Variants in MDGA2 observed in about 807,000 individuals in gnomAD.
MDGA2 encodes the protein MAM domain-containing glycosylphosphatidylinositol anchor protein 2.
Under a neutral mutation model 117.8 loss-of-function variants are expected in MDGA2, and 40 were observed. The ratio of observed to expected loss-of-function variants is 0.34; its 90% CI spans 0.26 to 0.44. MDGA2 has a LOEUF of 0.44. Ranked by LOEUF, MDGA2 falls within the 20% of genes least tolerant of loss-of-function variation. MDGA2 has a pLI of 1.00. For missense variants in MDGA2, 1,123 were observed against 1,250.6 expected, an observed-to-expected ratio of 0.90 and a Z score of 1.54; for synonymous variants, 452 against 439.0, an observed-to-expected ratio of 1.03 and a Z score of -0.37.
intron 1 of MDGA2, among the ~76,000 whole-genome samples, chr14:47,480,577 T>A (rs1893932170): frequency 6.6e-6 from 1 of 152,016 alleles, no homozygotes; most frequent in Non-Finnish European, 1.5e-5. Flanking sequence ...TACTAGACAT[T>A]AATATTATTT....
chr14:46,997,196 A>T (rs1401770368), intron 8 of MDGA2: 1 of 161,074 alleles, frequency 6.2e-6, no homozygotes, highest in African/African-American at 2.4e-5. Flanking sequence ...ACTAGATTTA[A>T]TTGGGTATTG....
chr14:47,161,498 TA>T (rs1371616804), intron 3 of MDGA2, among the ~76,000 whole-genome samples: 1 of 151,766 alleles, frequency 6.6e-6, no homozygotes, highest in African/African-American at 2.4e-5. Flanking sequence ...TATTAGAATG[TA>T]AGGTTATATA....
At chr14:47,565,691 G>A (rs902730855) in intron 1 of MDGA2, among the ~76,000 whole-genome samples, 1 of 152,186 alleles carries the variant, frequency 6.6e-6, no homozygotes, top group Non-Finnish European at 1.5e-5. Context: ...TGGGTCCTGG[G>A]CACCAGTCTC....
In MDGA2 at chr14:47,545,571, AG is replaced by A. The variant is rs574816862; in HGVS notation, c.280+128945del. ...TACCAAAAGCAAAGGAAAACTATGC[AG>A]GGTTCTACTTATAATGTTTTATTTA... On this transcript the variant is annotated intron_variant, in intron 1 of 16. Transcript: ENST00000399232. Among the ~76,000 whole-genome samples the A allele has an allele frequency of 5.9e-5, 9 of 152,326 alleles. No homozygotes were observed. In the South Asian group the frequency reaches 1.9e-3, roughly 32 times the overall value.
chr14:47,238,492 A>G (rs1886939510), intron 2 of MDGA2, among the ~76,000 whole-genome samples: 2 of 151,636 alleles, frequency 1.3e-5, no homozygotes, highest in South Asian at 4.2e-4. Context: ...TCTAAGGGAA[A>G]TCTGTACTCT....
At chr14:47,566,274 C>T (rs1895917359) in intron 1 of MDGA2, among the ~76,000 whole-genome samples, 1 of 152,148 alleles carries the variant, frequency 6.6e-6, no homozygotes, top group Non-Finnish European at 1.5e-5. Flanking sequence ...GATGTATGCC[C>T]TTGAAAGGCA....
At chr14:47,041,336 T>C (rs1262794640) in intron 7 of MDGA2, among the ~76,000 whole-genome samples, 1 of 152,100 alleles carries the variant, frequency 6.6e-6, no homozygotes, top group Non-Finnish European at 1.5e-5. Context: ...TTTTAGGTCT[T>C]AAATCAAATT....
At chr14:46,948,085 A>G (rs1334170996) in intron 9 of MDGA2, among the ~76,000 whole-genome samples, 1 of 151,982 alleles carries the variant, frequency 6.6e-6, no homozygotes, top group Non-Finnish European at 1.5e-5. Context: ...CAACTGTTAC[A>G]TTTTTATACC....
chr14:47,298,861 C>T (rs56929603), intron 2 of MDGA2, among the ~76,000 whole-genome samples: 32,162 of 151,248 alleles, frequency 0.21, 4,263 homozygotes, highest in East Asian at 0.45. Flanking sequence ...ATTTTTTTTG[C>T]ATTTTTAGTA....
At chr14:47,655,271 A>T (rs1474147483) in intron 1 of MDGA2, among the ~76,000 whole-genome samples, 1 of 152,116 alleles carries the variant, frequency 6.6e-6, no homozygotes, top group East Asian at 1.9e-4. Context: ...TAGCAAAAAC[A>T]CTGTTATCCA....
intron 5 of MDGA2, among the ~76,000 whole-genome samples, chr14:47,102,923 C>T (rs1249228588): frequency 6.6e-6 from 1 of 152,176 alleles, no homozygotes; most frequent in African/African-American, 2.4e-5. Flanking sequence ...TCTGCTATGA[C>T]TTTGTTTCCA....
At chr14:47,295,557 G>A (rs1225844508) in intron 2 of MDGA2, among the ~76,000 whole-genome samples, 1 of 152,062 alleles carries the variant, frequency 6.6e-6, no homozygotes, top group Non-Finnish European at 1.5e-5. Flanking sequence ...GAGGTCAACT[G>A]AGGAAATATT....
chr14:47,263,220 A>G (rs1258977844), intron 2 of MDGA2, among the ~76,000 whole-genome samples: 2 of 152,026 alleles, frequency 1.3e-5, no homozygotes, highest in Non-Finnish European at 2.9e-5. Flanking sequence ...TTTCTCCTTT[A>G]TGTTTTCATG....
chr14:47,429,274 G>A (rs1892751537), intron 1 of MDGA2, among the ~76,000 whole-genome samples: 1 of 134,046 alleles, frequency 7.5e-6, no homozygotes, highest in Admixed American at 7.4e-5. Context: ...TAACAAATAT[G>A]AAGATATATA....
intron 1 of MDGA2, among the ~76,000 whole-genome samples, chr14:47,635,647 C>G (rs922947744): frequency 6.6e-6 from 1 of 152,076 alleles, no homozygotes; most frequent in Admixed American, 6.5e-5. Context: ...TTTCTGGGTA[C>G]AAAGGACTGT....
rs945827175 is a variant in MDGA2 at position 47,175,549 on chromosome 14, C to A, written c.596-31275G>T. Among the ~76,000 whole-genome samples the A allele has an allele frequency of 9.9e-5, 15 of 151,722 alleles. No homozygotes were observed. The East Asian group carries it at 2.1e-3, about 22-fold the overall frequency. Reference sequence around the variant, plus strand: ...TATAAACAGAACCAAAGACAAAAACCACATGATTATCTCAATAGATGCAGA... The same window carrying A: ...TATAAACAGAACCAAAGACAAAAACAACATGATTATCTCAATAGATGCAGA... On this transcript the variant is annotated intron_variant, in intron 3 of 16. Transcript: ENST00000399232.
chr14:47,436,978 CTGCAATGTAGTTTT>C (rs1892912731), intron 1 of MDGA2, among the ~76,000 whole-genome samples: 2 of 152,140 alleles, frequency 1.3e-5, no homozygotes, highest in African/African-American at 4.8e-5. Flanking sequence ...ACTTCCCATT[CTGCAATGTAGTTTT>C]TGGTTGATTT....
rs1474553031 is a variant in MDGA2 at position 47,269,940 on chromosome 14, C to A, written c.420+31471G>T. Reference sequence around the variant, plus strand: ...AACCCATTACATCAGCCAGCATTTCCCTGTAGTTGTGATTATTACATTATG... The same window carrying A: ...AACCCATTACATCAGCCAGCATTTCACTGTAGTTGTGATTATTACATTATG... On this transcript the variant is annotated intron_variant, in intron 2 of 16. Coordinates refer to ENST00000399232, the MANE Select transcript of MDGA2 (RefSeq NM_001113498.3). 2.0e-5 allele frequency among the ~76,000 whole-genome samples: 3 copies of A among 152,094 alleles called. No homozygotes were observed. The East Asian group carries it at 5.8e-4, about 29-fold the overall frequency.
In MDGA2 at chr14:47,053,642, TATATATATATATACAC is replaced by T. The variant is rs1238139120; in HGVS notation, c.1525+7591_1525+7606del. Among the ~76,000 whole-genome samples the T allele has an allele frequency of 4.6e-3, 196 of 42,376 alleles. 4 individuals carry two copies. The highest frequency in any genetic ancestry group is 7.4e-3 in the Non-Finnish European group (146 of 19,832). 27.8% of individuals were successfully genotyped at this position (42,376 alleles called of 152,430 possible). ...ATATATATATATATATATATATATA[TATATATATATATACAC>T]ACACACACACACATATATATATACA... On this transcript the variant is annotated intron_variant, in intron 7 of 16. Transcript: ENST00000399232.
Sources: allele counts gnomAD v4.1 joint callset (sites outside exome capture counted in the v4.1 genomes callset), GRCh38; gene constraint gnomAD v4.1.1; transcripts MANE v1.5; gene names NCBI Gene and HGNC (gene_info 2026-07-23, HGNC 2026-07-21).